Variants in RPS6KA2 observed in about 807,000 individuals in gnomAD.
The protein encoded by RPS6KA2 is ribosomal protein S6 kinase A2.
Under a neutral mutation model 91.8 loss-of-function variants are expected in RPS6KA2, and 42 were observed. The ratio of observed to expected loss-of-function variants is 0.46; its 90% CI spans 0.36 to 0.59. The LOEUF (loss-of-function observed/expected upper bound fraction) is 0.59, where lower values mean the gene tolerates loss of function less well. Among genes scored for constraint, RPS6KA2 ranks in the 20% least tolerant of loss-of-function variants. The probability of loss-of-function intolerance (pLI) is 0.00; values close to 1 mark genes in which losing one functional copy is unlikely to be tolerated. For missense variants in RPS6KA2, 798 were observed against 978.5 expected (o/e 0.82, Z 2.46); for synonymous variants, 414 against 393.6 (o/e 1.05, Z -0.61).
chr6:166,795,676 C>A (rs1024214210), intron 2 of RPS6KA2, among the ~76,000 whole-genome samples: 1 of 152,216 alleles, frequency 6.6e-6, no homozygotes, highest in Non-Finnish European at 1.5e-5. Flanking sequence ...GACGGACTCT[C>A]CCTGAAGGGT....
In RPS6KA2 at chr6:166,430,624, G is replaced by A; in HGVS notation, c.1423-13C>T. On this transcript the variant is annotated splice_polypyrimidine_tract_variant and intron_variant, in intron 15 of 20. Transcript: ENST00000265678. ...CATCATCATAGACCTGCGGAGTGGAGAAGGGGCGCACACGTCACCACGGCT... is the reference window on the plus strand; with the variant it reads ...CATCATCATAGACCTGCGGAGTGGAAAAGGGGCGCACACGTCACCACGGCT... 6.2e-7 allele frequency: 1 copy of A among 1,607,256 alleles called. No homozygotes were observed. The highest frequency in any genetic ancestry group is 8.5e-7 in the Non-Finnish European group (1 of 1,175,252).
intron 12 of RPS6KA2, among the ~76,000 whole-genome samples, chr6:166,457,799 A>G (rs1447594072): frequency 2.0e-5 from 3 of 152,210 alleles, no homozygotes; most frequent in South Asian, 2.1e-4. Context: ...GATTTCACCA[A>G]CAGCTGAATC....
rs1466886278 is a variant in RPS6KA2, at chr6:166,767,412, G to A, written c.123+90788C>T. On this transcript the variant is annotated intron_variant, in intron 2 of 21. Coordinates refer to the RPS6KA2 transcript ENST00000503859. The surrounding 1 kb of genome is among the most constrained non-coding windows in gnomAD (Gnocchi z 4.6). ...TGCTCCAGATCAATGCGGTCCAGAG[G>A]TGAAAGCGTGGTTAGAGGAAGACAA... Among the ~76,000 whole-genome samples, 9 of 152,196 alleles carry A rather than the reference G, an allele frequency of 5.9e-5. No individual in the cohort carries two copies. The highest frequency in any genetic ancestry group is 3.9e-4 in the Admixed American group (6 of 15,286).
chr6:166,480,033 T>C (rs1781133280), intron 10 of RPS6KA2, among the ~76,000 whole-genome samples: 1 of 152,170 alleles, frequency 6.6e-6, no homozygotes, highest in Non-Finnish European at 1.5e-5. Context: ...TCAGCTTCCA[T>C]ATCTCTCTGT....
At chr6:166,710,391 A>AT (rs1043710216) in intron 2 of RPS6KA2, among the ~76,000 whole-genome samples, 2 of 151,970 alleles carry the variant, frequency 1.3e-5, no homozygotes, top group East Asian at 1.9e-4. Flanking sequence ...TCTTTGATAT[A>AT]TTTTTTTGTA....
At position 166,768,919 on chromosome 6, in the gene RPS6KA2, C is replaced by T. The variant is rs116226026; in HGVS notation, c.123+89281G>A. 5.7e-3 allele frequency among the ~76,000 whole-genome samples: 863 copies of T among 152,280 alleles called. 10 individuals are homozygous for T. The highest frequency in any genetic ancestry group is 0.02 in the African/African-American group (827 of 41,548). On this transcript the variant is annotated intron_variant, in intron 2 of 21. Transcript: ENST00000503859. ...CAGAGACCCTGTGGCCACATGGCTCCGGGGGTTCTCCCATGCTTTGACCCT... is the reference window on the plus strand; with the variant it reads ...CAGAGACCCTGTGGCCACATGGCTCTGGGGGTTCTCCCATGCTTTGACCCT...
intron 2 of RPS6KA2, among the ~76,000 whole-genome samples, chr6:166,820,166 G>T (rs1308481389): frequency 1.3e-5 from 2 of 152,076 alleles, no homozygotes; most frequent in Non-Finnish European, 2.9e-5. Flanking sequence ...GTTGGACAAA[G>T]CCCCTTCTTC....
At chr6:166,597,045 G>A (rs1227199166) in intron 1 of RPS6KA2, among the ~76,000 whole-genome samples, 1 of 152,206 alleles carries the variant, frequency 6.6e-6, no homozygotes, top group Middle Eastern at 3.2e-3. Context: ...GGAACAGATG[G>A]AGAAAGGACA....
intron 1 of RPS6KA2, among the ~76,000 whole-genome samples, chr6:166,550,859 G>T (rs903872674): frequency 6.6e-6 from 1 of 151,912 alleles, no homozygotes. Flanking sequence ...AAATTAGCCA[G>T]GCGTGGTGGC....
At chr6:166,523,031 T>C (rs1371288092) in intron 3 of RPS6KA2, among the ~76,000 whole-genome samples, 1 of 152,212 alleles carries the variant, frequency 6.6e-6, no homozygotes, top group Admixed American at 6.5e-5. Context: ...CTACTTACAC[T>C]GCAGAGGTAT....
At chr6:166,777,521 A>G (rs908636312) in intron 2 of RPS6KA2, among the ~76,000 whole-genome samples, 3 of 152,238 alleles carry the variant, frequency 2.0e-5, no homozygotes, top group African/African-American at 7.2e-5. Context: ...GAGGACACAC[A>G]AAAAGGCAAA....
chr6:166,702,569 G>A, intron 2 of RPS6KA2: 2 of 1,431,662 alleles, frequency 1.4e-6, no homozygotes, highest in Non-Finnish European at 2.0e-6. Context: ...CACTGTAAGT[G>A]AGGAGGGATA....
At chr6:166,803,658 C>G (rs1047890861) in intron 2 of RPS6KA2, among the ~76,000 whole-genome samples, 2 of 152,214 alleles carry the variant, frequency 1.3e-5, no homozygotes, top group African/African-American at 4.8e-5. Context: ...ATATTCCACA[C>G]GTGAGACTCT....
At chr6:166,466,238 G>C (rs1230525067) in intron 11 of RPS6KA2, among the ~76,000 whole-genome samples, 1 of 152,220 alleles carries the variant, frequency 6.6e-6, no homozygotes. Context: ...GAGCAGAGGC[G>C]CTGTGTAGAG....
intron 2 of RPS6KA2, among the ~76,000 whole-genome samples, chr6:166,637,500 G>A (rs1050865262): frequency 3.3e-5 from 5 of 152,240 alleles, no homozygotes; most frequent in African/African-American, 7.2e-5. Flanking sequence ...GGTGGTAGGG[G>A]ACACACAAGG....
intron 14 of RPS6KA2, among the ~76,000 whole-genome samples, chr6:166,442,745 T>C (rs977194575): frequency 2.0e-5 from 3 of 152,168 alleles, no homozygotes; most frequent in African/African-American, 7.2e-5. Flanking sequence ...TTATGCCTAT[T>C]ATGACATCTA....
At chr6:166,778,859 G>A (rs914114580) in intron 2 of RPS6KA2, among the ~76,000 whole-genome samples, 4 of 152,336 alleles carry the variant, frequency 2.6e-5, no homozygotes, top group East Asian at 1.9e-4. Context: ...AAACAGCACC[G>A]TAAGCGCCAC....
Position 166,635,586 on chromosome 6 carries a change from G to A in RPS6KA2, c.124-96802C>T, listed in dbSNP as rs1226672440. 6.6e-6 allele frequency among the ~76,000 whole-genome samples: 1 copy of A among 152,232 alleles called. No homozygotes were observed. Among genetic ancestry groups the A allele is most frequent in the Admixed American group, 6.5e-5 (1 of 15,292 alleles). On this transcript the variant is annotated intron_variant, in intron 2 of 21. Transcript: ENST00000503859. The surrounding 1 kb of genome is among the most constrained non-coding windows in gnomAD (Gnocchi z 4.8). Reference sequence around the variant, plus strand: ...GAGGAGGTTCATTTGGCTGCTGTGTGAGGGTGTGTTGGAGTGGGGACAGGG... The same window carrying A: ...GAGGAGGTTCATTTGGCTGCTGTGTAAGGGTGTGTTGGAGTGGGGACAGGG...
rs561911556 is a variant in RPS6KA2 at position 166,495,772 on chromosome 6, G to A, written c.747+2736C>T. On this transcript the variant is annotated intron_variant, in intron 8 of 20. Coordinates refer to ENST00000265678, the MANE Select transcript of RPS6KA2 (RefSeq NM_021135.6). The surrounding 1 kb of genome is among the most constrained non-coding windows in gnomAD (Gnocchi z 4.4). Reference sequence around the variant, plus strand: ...ATGGCAGACGTTAGAGCAGTGGCAAGCCAGGAGTGCTGAGAAGACACCGAA... The same window carrying A: ...ATGGCAGACGTTAGAGCAGTGGCAAACCAGGAGTGCTGAGAAGACACCGAA... Among the ~76,000 whole-genome samples the A allele has an allele frequency of 1.4e-4, 22 of 152,320 alleles. No homozygotes were observed. Among genetic ancestry groups the A allele is most frequent in the African/African-American group, 5.3e-4 (22 of 41,556 alleles).
Sources: allele counts gnomAD v4.1 joint callset (sites outside exome capture counted in the v4.1 genomes callset), GRCh38; gene constraint gnomAD v4.1.1; non-coding constraint Gnocchi (gnomAD v3.1); transcripts MANE v1.5; gene names NCBI Gene and HGNC (gene_info 2026-07-23, HGNC 2026-07-21).